The following CTNND2 variants were observed in gnomAD, a reference collection of about 807,000 sequenced individuals.
CTNND2 encodes the protein catenin delta 2.
Under a neutral mutation model 144.4 loss-of-function variants are expected in CTNND2, and 22 were observed. The ratio of observed to expected loss-of-function variants is 0.15; its 90% confidence interval spans 0.11 to 0.22. The LOEUF is 0.22. CTNND2 is among the 10% of genes least tolerant of loss of function. CTNND2 has a pLI of 1.00. For synonymous variants in CTNND2, 751 were observed against 695.6 expected (o/e 1.08, Z -1.25); for missense variants, 1,353 against 1,618.8 (o/e 0.84, Z 2.82).
chr5:11,357,292 T>TG (rs1353380879), intron 8 of CTNND2, among the ~76,000 whole-genome samples: 2 of 152,052 alleles, frequency 1.3e-5, no homozygotes, highest in Non-Finnish European at 2.9e-5. Flanking sequence ...TGTCCAACAA[T>TG]GGGTGAATGG....
intron 1 of CTNND2, among the ~76,000 whole-genome samples, chr5:11,902,314 T>TA (rs1327460988): frequency 1.1e-4 from 17 of 152,192 alleles, no homozygotes; most frequent in African/African-American, 4.1e-4. Context: ...TATTTGAGGA[T>TA]ACTCGCCCCT....
intron 1 of CTNND2, among the ~76,000 whole-genome samples, chr5:11,834,099 T>C (rs1001775888): frequency 6.6e-6 from 1 of 152,126 alleles, no homozygotes; most frequent in Non-Finnish European, 1.5e-5. Flanking sequence ...GAGTAGATTG[T>C]AGTAAAGTGC....
In CTNND2 at chr5:10,976,322, T is replaced by C. The variant is rs542450379; in HGVS notation, c.3418-2609A>G. On this transcript the variant is annotated intron_variant, in intron 21 of 21. Transcript: ENST00000304623. Reference sequence around the variant, plus strand: ...ATCTGACAGTTGAAAATCTGGCTGATGAAATGACCCCTCCCAAAGCCCTCC... The same window carrying C: ...ATCTGACAGTTGAAAATCTGGCTGACGAAATGACCCCTCCCAAAGCCCTCC... Among the ~76,000 whole-genome samples, 42 of 152,196 alleles carry C rather than the reference T, an allele frequency of 2.8e-4. No homozygotes were observed. The South Asian group carries it at 8.7e-3, about 32-fold the overall frequency.
intron 10 of CTNND2, among the ~76,000 whole-genome samples, chr5:11,204,524 A>G (rs1737835671): frequency 6.6e-6 from 1 of 152,248 alleles, no homozygotes; most frequent in South Asian, 2.1e-4. Context: ...ATTATACACA[A>G]GAGATATGCA....
At chr5:11,212,765 G>A (rs1266897723) in intron 10 of CTNND2, among the ~76,000 whole-genome samples, 2 of 152,224 alleles carry the variant, frequency 1.3e-5, no homozygotes, top group Non-Finnish European at 2.9e-5. Flanking sequence ...GAGAGTGGGA[G>A]CTGGTCTCGG....
At chr5:11,540,438 C>T (rs529303621) in intron 3 of CTNND2, among the ~76,000 whole-genome samples, 2 of 152,268 alleles carry the variant, frequency 1.3e-5, no homozygotes, top group African/African-American at 2.4e-5. Flanking sequence ...CTGGGAATCC[C>T]GCTGGGAATT....
At chr5:11,546,806 G>A (rs1304273349) in intron 3 of CTNND2, among the ~76,000 whole-genome samples, 1 of 152,090 alleles carries the variant, frequency 6.6e-6, no homozygotes, top group East Asian at 1.9e-4. Flanking sequence ...CAATTTCTCA[G>A]AAGCAGACTA....
At chr5:11,129,915 G>C (rs1277807223) in intron 12 of CTNND2, among the ~76,000 whole-genome samples, 1 of 152,070 alleles carries the variant, frequency 6.6e-6, no homozygotes, top group African/African-American at 2.4e-5. Flanking sequence ...AATAATGTAA[G>C]GTTAAATTTA....
chr5:11,486,292 A>G (rs1561463116), intron 3 of CTNND2, among the ~76,000 whole-genome samples: 1 of 152,228 alleles, frequency 6.6e-6, no homozygotes, highest in Non-Finnish European at 1.5e-5. Context: ...GGGTGATAAT[A>G]TCCAGTAGAT....
intron 1 of CTNND2, among the ~76,000 whole-genome samples, chr5:11,781,940 C>T (rs1347175046): frequency 6.6e-6 from 1 of 152,180 alleles, no homozygotes; most frequent in East Asian, 1.9e-4. Context: ...TATATTGACA[C>T]CTGGGTCCAC....
intron 1 of CTNND2, among the ~76,000 whole-genome samples, chr5:11,739,113 G>A (rs560460454): frequency 6.6e-6 from 1 of 152,154 alleles, no homozygotes; most frequent in African/African-American, 2.4e-5. Context: ...GATGGCCAGT[G>A]GGTACACTAT....
At chr5:11,831,242 GAA>G (rs61550378) in intron 1 of CTNND2, among the ~76,000 whole-genome samples, 109 of 102,726 alleles carry the variant, frequency 1.1e-3, no homozygotes, top group Middle Eastern at 0.011. Context: ...AGTATTAACA[GAA>G]AAAAAAAAAA....
At chr5:11,856,628 C>G (rs913601269) in intron 1 of CTNND2, among the ~76,000 whole-genome samples, 1 of 152,158 alleles carries the variant, frequency 6.6e-6, no homozygotes, top group African/African-American at 2.4e-5. Context: ...TCAGGAACTA[C>G]AGCGGCAGAA....
chr5:11,575,425 C>A (rs1303153361), intron 2 of CTNND2, among the ~76,000 whole-genome samples: 2 of 152,172 alleles, frequency 1.3e-5, no homozygotes, highest in Non-Finnish European at 2.9e-5. Context: ...TGCAGAATTT[C>A]TGTTCAATGA....
At chr5:11,388,557 G>T (rs31834) in intron 6 of CTNND2, among the ~76,000 whole-genome samples, 14,346 of 152,272 alleles carry the variant, frequency 0.094, 1,631 homozygotes, top group African/African-American at 0.27. Flanking sequence ...ATGGCTTATA[G>T]AGTAATAAAT....
At chr5:11,572,703 C>T (rs1193579275) in intron 2 of CTNND2, among the ~76,000 whole-genome samples, 1 of 152,176 alleles carries the variant, frequency 6.6e-6, no homozygotes, top group Non-Finnish European at 1.5e-5. Flanking sequence ...CCGCTACAGT[C>T]CCCATGCTTC....
chr5:11,001,801 C>T (rs1367207369), intron 18 of CTNND2, among the ~76,000 whole-genome samples: 2 of 152,194 alleles, frequency 1.3e-5, no homozygotes, highest in Non-Finnish European at 2.9e-5. Context: ...CTTTGGCTTG[C>T]CTGCTCTATT....
At chr5:11,639,974 T>C (rs1012002602) in intron 2 of CTNND2, among the ~76,000 whole-genome samples, 1 of 152,124 alleles carries the variant, frequency 6.6e-6, no homozygotes, top group Non-Finnish European at 1.5e-5. Flanking sequence ...GTGTTAACCA[T>C]GCCTAAGTAG....
intron 1 of CTNND2, among the ~76,000 whole-genome samples, chr5:11,820,058 C>T (rs1489660778): frequency 6.6e-6 from 1 of 152,148 alleles, no homozygotes; most frequent in African/African-American, 2.4e-5. Context: ...CTGCTTCCCC[C>T]GTGTTTGTCT....
Sources: allele counts gnomAD v4.1 joint callset (sites outside exome capture counted in the v4.1 genomes callset), GRCh38; gene constraint gnomAD v4.1.1; transcripts MANE v1.5; gene names NCBI Gene and HGNC (gene_info 2026-07-23, HGNC 2026-07-21).